Variants in VWF observed in about 807,000 individuals in gnomAD.
VWF encodes the protein von Willebrand factor.
VWF carries 176 observed loss-of-function variants against 308.6 expected under a neutral mutation model. That is an observed-to-expected ratio of 0.57 (90% CI 0.50 to 0.65). The LOEUF (loss-of-function observed/expected upper bound fraction) is 0.65. VWF is among the 30% of genes least tolerant of loss of function. The pLI is 0.00. For missense variants in VWF, 3,146 were observed against 3,648.2 expected (o/e 0.86, Z 3.55); for synonymous variants, 1,385 against 1,443.4 (o/e 0.96, Z 0.92).
At position 6,008,905 on chromosome 12, in the gene VWF, G is replaced by GACCCTT. The variant is rs568703220; in HGVS notation, c.5842+2706_5842+2711dup. Among the ~76,000 whole-genome samples, 364 of 152,194 alleles carry GACCCTT rather than the reference G, an allele frequency of 2.4e-3. 1 individual carries two copies. Among genetic ancestry groups the GACCCTT allele is most frequent in the African/African-American group, 7.9e-3 (330 of 41,534 alleles). On this transcript the variant is annotated intron_variant, in intron 34 of 51. Transcript: ENST00000261405. ...GTCCACATGAAAAAGAATGAAATTG[G>GACCCTT]ACCCTTACCTTATATCATACACAAA... is the stretch of plus-strand genomic sequence containing the variant.
chr12:6,047,696 A>G (rs1944461156), intron 16 of VWF, among the ~76,000 whole-genome samples: 1 of 152,224 alleles, frequency 6.6e-6, no homozygotes, highest in African/African-American at 2.4e-5. Context: ...GTTTGTATAA[A>G]TGATATCACA....
chr12:5,992,541 ACTAGCAGC>A (rs1242534602), intron 37 of VWF, among the ~76,000 whole-genome samples: 1 of 152,256 alleles, frequency 6.6e-6, no homozygotes, highest in East Asian at 1.9e-4. Flanking sequence ...ATTCTCTGCT[ACTAGCAGC>A]CAAATCTAGT....
chr12:6,090,179 A>C (rs977152700), intron 6 of VWF, among the ~76,000 whole-genome samples: 2 of 151,944 alleles, frequency 1.3e-5, no homozygotes, highest in Admixed American at 6.6e-5. Flanking sequence ...GGATGGTCTC[A>C]ATCTCCTGAC....
chr12:5,966,345 G>T (rs192945549), intron 47 of VWF, among the ~76,000 whole-genome samples: 8 of 152,130 alleles, frequency 5.3e-5, no homozygotes, highest in Non-Finnish European at 1.0e-4. Context: ...CATCAACTGG[G>T]ATTTTTAAAA....
At chr12:5,990,723 T>A (rs1199257393) in intron 38 of VWF, among the ~76,000 whole-genome samples, 1 of 151,754 alleles carries the variant, frequency 6.6e-6, no homozygotes, top group Non-Finnish European at 1.5e-5. Context: ...CATGTACACG[T>A]TCACATGTGC....
chr12:5,990,818 G>A (rs1264116258), intron 38 of VWF, among the ~76,000 whole-genome samples: 1 of 132,994 alleles, frequency 7.5e-6, no homozygotes, highest in African/African-American at 2.9e-5. Flanking sequence ...CCAAGACGGA[G>A]GAGTCTGGTA....
At chr12:5,955,552 A>AT (rs1467635884) in intron 47 of VWF, among the ~76,000 whole-genome samples, 1 of 152,154 alleles carries the variant, frequency 6.6e-6, no homozygotes, top group East Asian at 1.9e-4. Flanking sequence ...AGAACTCATC[A>AT]TTTTTTATGG....
intron 3 of VWF, among the ~76,000 whole-genome samples, chr12:6,119,349 C>T (rs578099703): frequency 3.9e-4 from 60 of 152,364 alleles, no homozygotes; most frequent in African/African-American, 1.4e-3. Flanking sequence ...CTGTTTGTCA[C>T]AGCTCTCCGG....
chr12:5,966,307 G>C (rs1943403860), intron 47 of VWF, among the ~76,000 whole-genome samples: 1 of 152,106 alleles, frequency 6.6e-6, no homozygotes, highest in Non-Finnish European at 1.5e-5. Flanking sequence ...ACACACGTGT[G>C]CACACAACTG....
chr12:6,116,704 G>A (rs893467539), intron 3 of VWF, among the ~76,000 whole-genome samples: 13 of 152,176 alleles, frequency 8.5e-5, no homozygotes, highest in South Asian at 4.1e-4. Context: ...CAGCCGTGTC[G>A]CCTTGGCCTC....
intron 47 of VWF, among the ~76,000 whole-genome samples, chr12:5,954,749 A>G (rs1943229117): frequency 6.6e-6 from 1 of 152,224 alleles, no homozygotes; most frequent in African/African-American, 2.4e-5. Context: ...GACAGCTGGA[A>G]AGCTCAAACA....
At chr12:6,065,316 CA>C (rs1944701456) in intron 10 of VWF, 43 bp from the exon 11 acceptor site, 2 of 1,612,678 alleles carry the variant, frequency 1.2e-6, no homozygotes, top group Admixed American at 3.3e-5. Context: ...GAGGTGAGGG[CA>C]CTTCCCCTGG....
At chr12:6,082,431 G>A (rs1222323179) in intron 6 of VWF, among the ~76,000 whole-genome samples, 1 of 152,060 alleles carries the variant, frequency 6.6e-6, no homozygotes, top group Non-Finnish European at 1.5e-5. Flanking sequence ...GTATACAGGG[G>A]CCCTGCGATT....
intron 40 of VWF, 84 bp downstream of exon 40, chr12:5,984,961 A>C: frequency 7.1e-7 from 1 of 1,405,310 alleles, no homozygotes; most frequent in Non-Finnish European, 9.9e-7. Flanking sequence ...GCCTGAGAAC[A>C]GAGACACCTT....
chr12:6,008,925 C>T (rs375812649), intron 34 of VWF, among the ~76,000 whole-genome samples: 9 of 152,248 alleles, frequency 5.9e-5, no homozygotes, highest in African/African-American at 2.2e-4. Context: ...TTATATCATA[C>T]ACAAAGTTAA....
chr12:6,023,040 G>T (rs185106953), intron 25 of VWF, 142 bp from the exon 26 acceptor site: 11,709 of 462,714 alleles, frequency 0.025, 1,130 homozygotes, highest in African/African-American at 0.21. Context: ...AGAGACTTCT[G>T]GATTGTTGAA....
intron 6 of VWF, among the ~76,000 whole-genome samples, chr12:6,087,419 T>C (rs78301473): frequency 0.16 from 22,088 of 140,868 alleles, 2,010 homozygotes; most frequent in East Asian, 0.42. Context: ...AGTGCAGTGG[T>C]GCGATCTCGG....
chr12:6,030,587 C>A (rs531921124), intron 21 of VWF, among the ~76,000 whole-genome samples: 19 of 152,302 alleles, frequency 1.2e-4, no homozygotes, highest in African/African-American at 4.3e-4. Flanking sequence ...CTGGGCCCCA[C>A]CCAGACCTAC....
intron 5 of VWF, among the ~76,000 whole-genome samples, chr12:6,100,026 G>A (rs1945143875): frequency 6.6e-6 from 1 of 151,598 alleles, no homozygotes; most frequent in Non-Finnish European, 1.5e-5. Context: ...AATCTACAAT[G>A]AACTCAAACA....
Sources: gnomAD v4.1 joint callset for allele counts (sites outside exome capture counted in the v4.1 genomes callset) on GRCh38, gnomAD v4.1.1 for gene constraint, MANE v1.5 for transcripts, NCBI Gene and HGNC (gene_info 2026-07-23, HGNC 2026-07-21) for gene names.